Variants in PLCH1 observed in about 807,000 individuals in gnomAD.
PLCH1 encodes the protein 1-phosphatidylinositol 4,5-bisphosphate phosphodiesterase eta-1.
Under a neutral mutation model 126.7 loss-of-function variants are expected in PLCH1, and 60 were observed. The ratio of observed to expected loss-of-function variants is 0.47; its 90% CI spans 0.38 to 0.59. PLCH1 has a LOEUF of 0.59. Ranked by LOEUF, PLCH1 falls within the 20% of genes least tolerant of loss-of-function variation. PLCH1 has a pLI of 0.00. For missense variants in PLCH1, 1,723 were observed against 2,040.0 expected, an observed-to-expected ratio of 0.84 and a Z score of 2.99; for synonymous variants, 719 against 734.9, an observed-to-expected ratio of 0.98 and a Z score of 0.35.
chr3:155,678,026 C>G (rs550904229), intron 2 of PLCH1, among the ~76,000 whole-genome samples: 1 of 152,122 alleles, frequency 6.6e-6, no homozygotes, highest in Admixed American at 6.5e-5. Context: ...ATCTCTTGCT[C>G]GGTCCTGAAA....
At chr3:155,465,127 G>A (rs866093768) in intron 21 of PLCH1, among the ~76,000 whole-genome samples, 5,958 of 143,054 alleles carry the variant, frequency 0.042, 151 homozygotes, top group Non-Finnish European at 0.056. Context: ...AAAAAAAAAA[G>A]AGTGACAGAC....
chr3:155,647,591 A>G (rs1489153715), intron 2 of PLCH1, among the ~76,000 whole-genome samples: 9 of 152,136 alleles, frequency 5.9e-5, no homozygotes, highest in African/African-American at 2.2e-4. Context: ...ACCCCTGGCA[A>G]AGCAATGCCC....
intron 4 of PLCH1, among the ~76,000 whole-genome samples, chr3:155,591,212 T>C (rs773638621): frequency 2.6e-5 from 4 of 152,214 alleles, no homozygotes; most frequent in Non-Finnish European, 5.9e-5. Flanking sequence ...TAGAAGCTTC[T>C]GGATTTGGTT....
intron 11 of PLCH1, among the ~76,000 whole-genome samples, chr3:155,516,821 C>A (rs1419776706): frequency 3.3e-5 from 5 of 151,934 alleles, no homozygotes; most frequent in Non-Finnish European, 7.4e-5. Context: ...GGAATACCCC[C>A]CACTGTCACA....
In PLCH1 at chr3:155,549,773, C is replaced by G; in HGVS notation, c.1362+14G>C. The G allele has an allele frequency of 6.3e-7, 1 of 1,590,426 alleles. No homozygotes were observed. Among genetic ancestry groups the G allele is most frequent in the South Asian group, 1.1e-5 (1 of 89,846 alleles). On this transcript the variant is annotated intron_variant, in intron 10 of 22. Transcript: ENST00000460012. ...ATAATGAATGTCTTTTATTGCATTA[C>G]TTGAAGTAATTACCTTCACTAGAAT...
intron 2 of PLCH1, among the ~76,000 whole-genome samples, chr3:155,635,762 A>C (rs1738645731): frequency 6.6e-6 from 1 of 152,220 alleles, no homozygotes; most frequent in Admixed American, 6.5e-5. Context: ...CATCTAATTA[A>C]TTACTGATTT....
At chr3:155,612,120 C>T (rs1213179591) in intron 2 of PLCH1, among the ~76,000 whole-genome samples, 1 of 151,860 alleles carries the variant, frequency 6.6e-6, no homozygotes, top group African/African-American at 2.4e-5. Context: ...AGTTCATGAA[C>T]AGCCTGGCCA....
chr3:155,500,859 GA>G, intron 13 of PLCH1, 65 bp from the exon 14 acceptor site: 1 of 1,050,446 alleles, frequency 9.5e-7, no homozygotes, highest in Non-Finnish European at 1.5e-6. Flanking sequence ...AACATGCAGA[GA>G]ATGAGCTGGG....
intron 21 of PLCH1, chr3:155,457,448 C>T (rs1712479021): frequency 6.6e-6 from 1 of 152,134 alleles, no homozygotes. Flanking sequence ...GAGCATTAAG[C>T]CCCAAGCACT....
intron 1 of PLCH1, among the ~76,000 whole-genome samples, chr3:155,730,638 A>G (rs1440734256): frequency 6.6e-6 from 1 of 152,228 alleles, no homozygotes. Context: ...AGTGGGAAAT[A>G]TGCAGCCATT....
chr3:155,729,452 G>A (rs1748589706), intron 1 of PLCH1, among the ~76,000 whole-genome samples: 1 of 152,184 alleles, frequency 6.6e-6, no homozygotes, highest in Admixed American at 6.5e-5. Context: ...GCAGCCAGAT[G>A]TCAAAGGATG....
At chr3:155,735,541 G>A (rs950537798) in intron 1 of PLCH1, among the ~76,000 whole-genome samples, 4 of 151,616 alleles carry the variant, frequency 2.6e-5, no homozygotes, top group African/African-American at 9.7e-5. Context: ...GGCTGAGGCA[G>A]GAGAATCGCT....
chr3:155,684,060 T>C (rs1744738883), intron 2 of PLCH1, among the ~76,000 whole-genome samples: 1 of 152,206 alleles, frequency 6.6e-6, no homozygotes, highest in Middle Eastern at 3.2e-3. Context: ...TCTCTGAGTC[T>C]AATAAAAGGT....
intron 9 of PLCH1, among the ~76,000 whole-genome samples, chr3:155,550,305 A>G (rs541472595): frequency 6.6e-6 from 1 of 152,336 alleles, no homozygotes; most frequent in South Asian, 2.1e-4. Context: ...AACTCATATA[A>G]TGTAATTTTG....
chr3:155,728,189 G>A (rs1210760278), intron 1 of PLCH1, among the ~76,000 whole-genome samples: 2 of 152,108 alleles, frequency 1.3e-5, no homozygotes, highest in African/African-American at 2.4e-5. Context: ...ATTTTTAAAT[G>A]GTATCAGCGG....
intron 21 of PLCH1, among the ~76,000 whole-genome samples, chr3:155,473,283 T>C (rs1171486413): frequency 1.3e-5 from 2 of 150,806 alleles, no homozygotes; most frequent in African/African-American, 2.4e-5. Flanking sequence ...TATACACCAA[T>C]AACAGACAGA....
intron 3 of PLCH1, among the ~76,000 whole-genome samples, chr3:155,594,503 G>C (rs1232591246): frequency 1.3e-5 from 2 of 152,124 alleles, no homozygotes; most frequent in African/African-American, 4.8e-5. Context: ...AACCTGGGAG[G>C]CGGAGGTTGC....
intron 1 of PLCH1, among the ~76,000 whole-genome samples, chr3:155,739,859 A>T (rs1297449934): frequency 2.0e-5 from 3 of 152,222 alleles, no homozygotes; most frequent in African/African-American, 7.2e-5. Flanking sequence ...TTATAAAAAG[A>T]CATAAAATAA....
intron 6 of PLCH1, among the ~76,000 whole-genome samples, chr3:155,573,705 C>T (rs1323176288): frequency 6.6e-6 from 1 of 152,094 alleles, no homozygotes; most frequent in Non-Finnish European, 1.5e-5. Context: ...AGTCCTACCA[C>T]AATTTATTAA....
Sources: gnomAD v4.1 joint callset for allele counts (sites outside exome capture counted in the v4.1 genomes callset) on GRCh38, gnomAD v4.1.1 for gene constraint, MANE v1.5 for transcripts, NCBI Gene and HGNC (gene_info 2026-07-23, HGNC 2026-07-21) for gene names.